RAP1GAP2: variants seen among roughly 807,000 people sequenced by gnomAD.
RAP1GAP2 encodes rap1 GTPase-activating protein 2.
RAP1GAP2 carries 27 observed loss-of-function variants against 95.0 expected under a neutral mutation model. That is an observed-to-expected ratio of 0.28 (90% confidence interval 0.21 to 0.39). The LOEUF (loss-of-function observed/expected upper bound fraction) is 0.39, where lower values mean the gene tolerates loss of function less well. Among genes scored for constraint, RAP1GAP2 ranks in the 10% least tolerant of loss-of-function variants. RAP1GAP2 has a pLI of 1.00. For synonymous variants in RAP1GAP2, 373 were observed against 380.9 expected (o/e 0.98, Z 0.24); for missense variants, 771 against 970.0 (o/e 0.79, Z 2.72).
intron 13 of RAP1GAP2, among the ~76,000 whole-genome samples, chr17:2,997,739 A>G (rs576264386): frequency 5.9e-5 from 9 of 152,198 alleles, no homozygotes; most frequent in African/African-American, 2.2e-4. Context: ...CCTGGCCAAC[A>G]TGGTGAAACC....
chr17:2,853,785 C>T (rs958232135), intron 2 of RAP1GAP2, among the ~76,000 whole-genome samples: 1 of 147,154 alleles, frequency 6.8e-6, no homozygotes, highest in Non-Finnish European at 1.5e-5. Flanking sequence ...GGCGGCTGCC[C>T]CGCGGGCCCC....
chr17:2,787,211 A>G (rs895569484), intron 1 of RAP1GAP2, among the ~76,000 whole-genome samples: 4 of 151,374 alleles, frequency 2.6e-5, no homozygotes, highest in African/African-American at 9.7e-5. Context: ...CATGGCCTCC[A>G]AAGTGCTGGG....
upstream of RAP1GAP2, among the ~76,000 whole-genome samples, chr17:2,776,181 A>C (rs1049188317): frequency 5.3e-5 from 8 of 152,130 alleles, no homozygotes; most frequent in African/African-American, 1.9e-4. Flanking sequence ...TCTGTCTCAT[A>C]AAAGTCCAGC....
intron 19 of RAP1GAP2, among the ~76,000 whole-genome samples, chr17:3,022,880 T>C (rs1440588319): frequency 6.6e-6 from 1 of 152,266 alleles, no homozygotes; most frequent in African/African-American, 2.4e-5. Context: ...GCCTTAGATT[T>C]AATCCATTTT....
chr17:3,020,538 G>C lies in RAP1GAP2; in HGVS notation c.1694G>C (p.Gly565Ala). The C allele has an allele frequency of 6.2e-7, 1 of 1,613,868 alleles. No individual in the cohort carries two copies. The highest frequency in any genetic ancestry group is 8.5e-7 in the Non-Finnish European group (1 of 1,179,876). Residue 565 changes from glycine to alanine, a missense_variant, in exon 19 of 25, where the codon GGG (glycine) becomes GCG (alanine). By Grantham distance (60) the Gly-to-Ala change is moderately conservative (BLOSUM62 0). Coordinates refer to ENST00000254695, the MANE Select transcript of RAP1GAP2 (RefSeq NM_015085.5). Reference sequence around the variant, plus strand: ...CGGAGTCCCATCAAGCGACGCTCGGGGCTCTTCCCCCGCCTGCACACGGGC... The same window carrying C: ...CGGAGTCCCATCAAGCGACGCTCGGCGCTCTTCCCCCGCCTGCACACGGGC... ...QSRSPIKRRS[G>A]LFPRLHTGSE...
chr17:3,011,067 T>C lies in RAP1GAP2; in HGVS notation c.1494+2922T>C, dbSNP rs144163973. 4.2e-3 allele frequency among the ~76,000 whole-genome samples: 634 copies of C among 152,036 alleles called. 5 individuals carry two copies. Among genetic ancestry groups the C allele is most frequent in the African/African-American group, 0.015 (606 of 41,470 alleles). ...TCAGCCTCCTGAGTAGCTAGAATTATAGGTGCCCGCCACCACGCCCGGCTA... is the reference window on the plus strand; with the variant it reads ...TCAGCCTCCTGAGTAGCTAGAATTACAGGTGCCCGCCACCACGCCCGGCTA... On this transcript the variant is annotated intron_variant, in intron 17 of 24. Transcript: ENST00000254695.
chr17:2,899,717 GC>G (rs1163232270), intron 2 of RAP1GAP2, among the ~76,000 whole-genome samples: 1 of 151,860 alleles, frequency 6.6e-6, no homozygotes, highest in Non-Finnish European at 1.5e-5. Flanking sequence ...CGCCATGTTA[GC>G]CAGGTTGTTC....
At chr17:2,979,328 C>G (rs1174112226) in intron 8 of RAP1GAP2, among the ~76,000 whole-genome samples, 1 of 152,112 alleles carries the variant, frequency 6.6e-6, no homozygotes, top group African/African-American at 2.4e-5. Context: ...CATGACGAAA[C>G]CCAAATATAT....
At chr17:2,876,886 CTTT>C (rs34517318) in intron 2 of RAP1GAP2, among the ~76,000 whole-genome samples, 1 of 127,512 alleles carries the variant, frequency 7.8e-6, no homozygotes. Context: ...GGTTTACGTT[CTTT>C]TTTTTTTTTT....
At chr17:2,762,842 A>G (rs918166652) in intron 1 of RAP1GAP2, among the ~76,000 whole-genome samples, 1 of 151,722 alleles carries the variant, frequency 6.6e-6, no homozygotes, top group South Asian at 2.1e-4. Context: ...ATACCTGGCT[A>G]ATTATTTATC....
intron 2 of RAP1GAP2, among the ~76,000 whole-genome samples, chr17:2,829,817 ATTTTTT>A (rs34423747): frequency 7.6e-6 from 1 of 130,966 alleles, no homozygotes; most frequent in African/African-American, 2.9e-5. Context: ...TCTCTCTTAA[ATTTTTT>A]TTTTTTTTTT....
intron 14 of RAP1GAP2, among the ~76,000 whole-genome samples, chr17:3,002,472 A>T (rs953844055): frequency 3.3e-5 from 5 of 152,188 alleles, no homozygotes; most frequent in African/African-American, 1.2e-4. Context: ...AGCGCTGTCC[A>T]TCCACACTCC....
chr17:2,853,425 C>T (rs2071968884), intron 2 of RAP1GAP2, among the ~76,000 whole-genome samples: 2 of 150,962 alleles, frequency 1.3e-5, no homozygotes, highest in Admixed American at 1.3e-4. Context: ...TATCCGGGGC[C>T]GGGCCGGGGA....
upstream of RAP1GAP2, among the ~76,000 whole-genome samples, chr17:2,795,980 G>A (rs181951361): frequency 3.3e-5 from 5 of 152,314 alleles, no homozygotes; most frequent in African/African-American, 4.8e-5. Context: ...TTACATCCAC[G>A]TGTGCTAGTG....
At chr17:2,984,084 C>T (rs1305845844) in intron 10 of RAP1GAP2, among the ~76,000 whole-genome samples, 1 of 152,234 alleles carries the variant, frequency 6.6e-6, no homozygotes, top group Non-Finnish European at 1.5e-5. Flanking sequence ...GGCGTGGTAG[C>T]TCATGCCTGT....
At chr17:2,800,425 T>G (rs1176039972) in intron 1 of RAP1GAP2, 90 bp from the exon 2 acceptor site, 3 of 1,455,712 alleles carry the variant, frequency 2.1e-6, no homozygotes, top group Non-Finnish European at 1.9e-6. Flanking sequence ...GTCTGGTGGT[T>G]TGGGCTGTCC....
chr17:2,822,635 T>TGTTTTTTTTG (rs1222394157), intron 2 of RAP1GAP2, among the ~76,000 whole-genome samples: 1 of 134,046 alleles, frequency 7.5e-6, no homozygotes, highest in African/African-American at 3.2e-5. Context: ...TTGTTTTTTT[T>TGTTTTTTTTG]TTTTTTTTTT....
At chr17:2,944,994 T>C (rs2043651367) in intron 3 of RAP1GAP2, among the ~76,000 whole-genome samples, 1 of 152,170 alleles carries the variant, frequency 6.6e-6, no homozygotes, top group Non-Finnish European at 1.5e-5. Flanking sequence ...GTCATTCTCC[T>C]GCCTCAGTAG....
chr17:2,841,027 C>T (rs1343646764), intron 2 of RAP1GAP2, among the ~76,000 whole-genome samples: 2 of 149,548 alleles, frequency 1.3e-5, no homozygotes, highest in East Asian at 4.1e-4. Flanking sequence ...TGGTGGCTCA[C>T]GCCTGTAATT....
Sources: gnomAD v4.1 joint callset for allele counts (sites outside exome capture counted in the v4.1 genomes callset) on GRCh38, gnomAD v4.1.1 for gene constraint, MANE v1.5 for transcripts, NCBI Gene and HGNC (gene_info 2026-07-23, HGNC 2026-07-21) for gene names.